Variants in FANCM observed in about 807,000 individuals in gnomAD.
FANCM encodes FA complementation group M.
FANCM carries 140 observed loss-of-function variants against 199.5 expected under a neutral mutation model. That is an observed-to-expected ratio of 0.70 (90% confidence interval 0.61 to 0.81). The LOEUF (loss-of-function observed/expected upper bound fraction) is 0.81. FANCM is among the 30% of genes least tolerant of loss of function. The pLI is 0.00. For missense variants in FANCM, 2,410 were observed against 2,421.4 expected, an observed-to-expected ratio of 1.00 and a Z score of 0.10; for synonymous variants, 840 against 836.8, an observed-to-expected ratio of 1.00 and a Z score of -0.07.
At chr14:45,177,513 T>C (rs1888788917) in intron 14 of FANCM, among the ~76,000 whole-genome samples, 1 of 152,150 alleles carries the variant, frequency 6.6e-6, no homozygotes, top group African/African-American at 2.4e-5. Flanking sequence ...TGCCTCAGCC[T>C]CCCAAGTAGC....
intron 20 of FANCM, among the ~76,000 whole-genome samples, chr14:45,195,897 T>C (rs370685211): frequency 6.6e-5 from 10 of 152,344 alleles, no homozygotes; most frequent in African/African-American, 2.2e-4. Context: ...ATTATAATTT[T>C]CTTTTTTAAC....
At chr14:45,181,262 T>C (rs889001279) in intron 14 of FANCM, among the ~76,000 whole-genome samples, 168 bp from the exon 15 acceptor site, 4 of 149,758 alleles carry the variant, frequency 2.7e-5, no homozygotes, top group Non-Finnish European at 4.4e-5. Context: ...TTTTGTCTCT[T>C]GTTTAGATTT....
intron 14 of FANCM, among the ~76,000 whole-genome samples, chr14:45,177,343 G>A (rs1035360459): frequency 1.3e-5 from 2 of 152,110 alleles, no homozygotes; most frequent in East Asian, 3.9e-4. Context: ...CTGTTTAGGA[G>A]GTTCAGAGGA....
At chr14:45,145,679 C>T (rs1594761954) in intron 3 of FANCM, among the ~76,000 whole-genome samples, 2 of 152,290 alleles carry the variant, frequency 1.3e-5, no homozygotes, top group East Asian at 3.9e-4. Context: ...AATCCCAGCA[C>T]TTTGGGAGGC....
intron 10 of FANCM, among the ~76,000 whole-genome samples, chr14:45,164,818 A>C (rs1015709777): frequency 1.3e-5 from 2 of 152,222 alleles, no homozygotes; most frequent in South Asian, 2.1e-4. Flanking sequence ...CTAGATCTAA[A>C]AACCAATATC....
intron 10 of FANCM, among the ~76,000 whole-genome samples, chr14:45,166,540 G>A (rs1887989007): frequency 6.6e-6 from 1 of 152,070 alleles, no homozygotes; most frequent in Admixed American, 6.6e-5. Flanking sequence ...AGCACCTTGG[G>A]AGGCCAAAGC....
Position 45,154,813 on chromosome 14 carries a change from A to G in FANCM, c.1300A>G (p.Ile434Val). Residue 434 changes from isoleucine to valine, a missense_variant, in exon 7 of 23, where the codon ATC becomes GTC. Physicochemically the swap from Ile to Val is conservative, Grantham distance 29. Transcript: ENST00000267430. ...TACTTCAGCAAATGGTATTTCTGCT[A>G]TCCAACAAGGTCTGGTTTTTCTTTT... ...RSTSANGISAIQQGDKNKKFV... is the reference protein window; with the variant it reads ...RSTSANGISAVQQGDKNKKFV... 6.2e-7 allele frequency: 1 copy of G among 1,607,964 alleles called. No individual in the cohort carries two copies. The highest frequency in any genetic ancestry group is 1.7e-4 in the Middle Eastern group (1 of 5,748).
rs760207686 is a variant in FANCM, at chr14:45,181,699, A to T, written c.4380A>T (p.Ile1460=). The change falls in exon 16 of 23, where the codon ATA becomes ATT. Residue 1460 remains isoleucine (I), a synonymous_variant. Transcript: ENST00000267430. ...LHAVKKRRFP[I]NRSELSSSDE... is the part of the protein sequence containing the mutation. The stretch of plus-strand genomic sequence containing the variant: ...CTGTCAAAAAGCGCAGATTTCCTAT[A>T]AACAGAGTAAGTAAATACCAGGTAA... The T allele has an allele frequency of 1.9e-6, 3 of 1,600,964 alleles. No individual in the cohort carries two copies. The East Asian group carries it at 6.7e-5, about 36-fold the overall frequency.
chr14:45,186,349 C>CT (rs2139287475), intron 18 of FANCM, among the ~76,000 whole-genome samples: 1 of 152,310 alleles, frequency 6.6e-6, no homozygotes, highest in Admixed American at 6.5e-5. Context: ...GGGCAGTTTA[C>CT]TTTCAGAAAA....
chr14:45,183,697 G>A, intron 16 of FANCM, 77 bp from the exon 17 acceptor site: 1 of 942,142 alleles, frequency 1.1e-6, no homozygotes, highest in Admixed American at 2.0e-5. Flanking sequence ...ACATGGCTCT[G>A]AGTTGTAAGA....
At position 45,175,714 on chromosome 14, in the gene FANCM, T is replaced by C; in HGVS notation, c.2960T>C (p.Leu987Pro). 6.2e-7 allele frequency: 1 copy of C among 1,613,866 alleles called. No homozygotes were observed. The highest frequency in any genetic ancestry group is 1.7e-5 in the Admixed American group (1 of 60,026). Residue 987 changes from leucine (L) to proline (P), a missense_variant, in exon 14 of 23, where the codon CTA becomes CCA. Physicochemically the swap from Leu to Pro is moderately conservative, Grantham distance 98 (BLOSUM62 -3). Transcript: ENST00000267430. The stretch of plus-strand genomic sequence containing the variant: ...TGTCACTCATTGACAAAAGAGGTAC[T>C]AGCTAATGTAGAGAGATTTTTATCT... The part of the protein sequence containing the change: ...YNCHSLTKEV[L>P]ANVERFLSYS...
At chr14:45,167,301 G>A (rs550958601) in intron 11 of FANCM, 138 bp downstream of exon 11, 7 of 675,572 alleles carry the variant, frequency 1.0e-5, no homozygotes, top group Non-Finnish European at 1.9e-5. Flanking sequence ...CTTTGGAAAG[G>A]CTGTACGAGA....
At chr14:45,138,055 A>T (rs965672834) in intron 2 of FANCM, 11 of 152,102 alleles carry the variant, frequency 7.2e-5, no homozygotes, top group African/African-American at 2.4e-4. Flanking sequence ...GTTTAGGGGG[A>T]ACGTGGAAAG....
At chr14:45,185,462 C>T in intron 18 of FANCM, 89 bp downstream of exon 18, 1 of 742,368 alleles carries the variant, frequency 1.3e-6, no homozygotes, top group Non-Finnish European at 2.1e-6. Context: ...TGAAACTAGA[C>T]CTTAAAGGTA....
At chr14:45,145,781 C>T (rs977952647) in intron 3 of FANCM, among the ~76,000 whole-genome samples, 13 of 151,034 alleles carry the variant, frequency 8.6e-5, no homozygotes, top group African/African-American at 2.7e-4. Context: ...AAAAAATGGC[C>T]GGGCGCGGTG....
At chr14:45,189,461 G>GA in intron 20 of FANCM, 99 bp downstream of exon 20, 1 of 974,520 alleles carries the variant, frequency 1.0e-6, no homozygotes, top group South Asian at 1.5e-5. Context: ...CTAGGTCAAA[G>GA]AAAAATTAAC....
At chr14:45,156,916 CAAAAAAAAAAAA>C (rs535786477) in intron 8 of FANCM, among the ~76,000 whole-genome samples, 2 of 47,812 alleles carry the variant, frequency 4.2e-5, no homozygotes, top group African/African-American at 7.0e-5. Flanking sequence ...GACTCTGTCT[CAAAAAAAAAAAA>C]AAAAAAAAAA....
chr14:45,181,614 TTTAC>T lies in FANCM; in HGVS notation c.4318-20_4318-17del, dbSNP rs1393014254. 1.9e-6 allele frequency: 3 copies of T among 1,594,414 alleles called. No individual in the cohort carries two copies. The highest frequency in any genetic ancestry group is 2.6e-6 in the Non-Finnish European group (3 of 1,162,588). On this transcript the variant is annotated intron_variant, in intron 15 of 22. Transcript: ENST00000267430. The stretch of plus-strand genomic sequence containing the variant: ...GCTTCTGCTGAGACTTTTGTTGCCT[TTTAC>T]TTTATTTACTTACTTTAGGATCAGA...
chr14:45,148,200 AACACACACACACACACAC>A (rs200351777), intron 3 of FANCM, among the ~76,000 whole-genome samples: 3 of 142,354 alleles, frequency 2.1e-5, no homozygotes, highest in African/African-American at 2.6e-5. Flanking sequence ...CCGTCTCAAA[AACACACACACACACACAC>A]ACACACACAC....
Sources: gnomAD v4.1 joint callset for allele counts (sites outside exome capture counted in the v4.1 genomes callset) on GRCh38, gnomAD v4.1.1 for gene constraint, MANE v1.5 for transcripts, NCBI Gene and HGNC (gene_info 2026-07-23, HGNC 2026-07-21) for gene names.